The following SH3RF2 variants were observed in gnomAD, a reference collection of about 807,000 sequenced individuals.
The protein encoded by SH3RF2 is SH3 domain containing ring finger 2, also known as E3 ubiquitin-protein ligase SH3RF2.
In SH3RF2, 43 loss-of-function variants were observed where a neutral mutation model predicts 59.0. The observed-to-expected ratio is 0.73, with a 90% CI of 0.57 to 0.94. SH3RF2 has a LOEUF of 0.94. Among genes scored for constraint, SH3RF2 ranks in the 40% least tolerant of loss-of-function variants. The pLI is 0.00. For synonymous variants in SH3RF2, 391 were observed against 391.5 expected (o/e 1.00, Z 0.01); for missense variants, 930 against 940.1 (o/e 0.99, Z 0.14).
intron 2 of SH3RF2, among the ~76,000 whole-genome samples, chr5:145,959,615 ATG>A (rs35295719): frequency 0.072 from 10,463 of 144,932 alleles, 522 homozygotes; most frequent in African/African-American, 0.15. Flanking sequence ...CTATATATAT[ATG>A]TGTGTGTGTG....
intron 9 of SH3RF2, among the ~76,000 whole-genome samples, chr5:146,069,311 G>A (rs1022370668): frequency 5.9e-5 from 9 of 152,274 alleles, no homozygotes; most frequent in South Asian, 4.1e-4. Flanking sequence ...TCTGTTTTGG[G>A]AGACCTTGTT....
chr5:146,035,101 G>C (rs1206759094), intron 5 of SH3RF2, among the ~76,000 whole-genome samples: 1 of 131,142 alleles, frequency 7.6e-6, no homozygotes, highest in Non-Finnish European at 1.7e-5. Flanking sequence ...GTGAGACTCT[G>C]TTTCAAAAAA....
chr5:145,997,350 C>T (rs1196780633), intron 2 of SH3RF2: 3 of 1,164,904 alleles, frequency 2.6e-6, no homozygotes, highest in Non-Finnish European at 3.9e-6. Flanking sequence ...ACCACCGCTC[C>T]AGTCTAAATA....
Position 146,032,924 on chromosome 5 carries a change from G to A in SH3RF2, c.1060-14848G>A, listed in dbSNP as rs576126522. Among the ~76,000 whole-genome samples the A allele has an allele frequency of 5.9e-5, 9 of 152,258 alleles. No individual in the cohort carries two copies. The East Asian group carries it at 1.5e-3, about 26-fold the overall frequency. On this transcript the variant is annotated intron_variant, in intron 5 of 9. Coordinates refer to ENST00000359120, the MANE Select transcript of SH3RF2 (RefSeq NM_152550.4). Reference sequence around the variant, plus strand: ...CCTCTAGAACCTTCCAGACCTTGGAGCCAGCACCACCTGATTCTCCCTCCA... The same window carrying A: ...CCTCTAGAACCTTCCAGACCTTGGAACCAGCACCACCTGATTCTCCCTCCA...
chr5:145,992,082 A>G (rs1298916623), intron 2 of SH3RF2, among the ~76,000 whole-genome samples: 1 of 152,160 alleles, frequency 6.6e-6, no homozygotes, highest in Non-Finnish European at 1.5e-5. Context: ...ATTATATTTT[A>G]AGAAACAGGC....
At chr5:146,031,135 C>T (rs1326718756) in intron 5 of SH3RF2, among the ~76,000 whole-genome samples, 1 of 152,170 alleles carries the variant, frequency 6.6e-6, no homozygotes, top group Non-Finnish European at 1.5e-5. Flanking sequence ...GCACTGGATG[C>T]CTGGGAGGAC....
At chr5:145,948,763 G>A (rs1280023496) in intron 2 of SH3RF2, among the ~76,000 whole-genome samples, 1 of 152,134 alleles carries the variant, frequency 6.6e-6, no homozygotes, top group Non-Finnish European at 1.5e-5. Flanking sequence ...CCAAACCCAG[G>A]TTGGTCTTAG....
intron 9 of SH3RF2, among the ~76,000 whole-genome samples, chr5:146,070,591 T>G (rs76501069): frequency 0.024 from 3,614 of 152,286 alleles, 155 homozygotes; most frequent in African/African-American, 0.081. Flanking sequence ...CATGAGATTA[T>G]TTCTGGTTTT....
chr5:146,055,389 A>G (rs1021137955), intron 7 of SH3RF2, among the ~76,000 whole-genome samples: 2 of 152,234 alleles, frequency 1.3e-5, no homozygotes, highest in Admixed American at 1.3e-4. Context: ...AACCCATGAG[A>G]AAATATGGGC....
intron 2 of SH3RF2, among the ~76,000 whole-genome samples, chr5:145,976,251 C>T (rs896433181): frequency 2.0e-5 from 3 of 152,116 alleles, no homozygotes; most frequent in African/African-American, 4.8e-5. Context: ...TGACCTTAGG[C>T]AGGTTAGTTC....
chr5:146,059,621 C>A (rs1292158795), intron 8 of SH3RF2, among the ~76,000 whole-genome samples: 2 of 151,068 alleles, frequency 1.3e-5, no homozygotes, highest in African/African-American at 2.4e-5. Flanking sequence ...AGCCCCCCTA[C>A]ACACATACAC....
Position 146,049,198 on chromosome 5 carries a change from C to CG in SH3RF2, c.1278dup (p.Arg427AlafsTer19). The CG allele has an allele frequency of 6.2e-7, 1 of 1,613,794 alleles. No individual in the cohort carries two copies. Among genetic ancestry groups the CG allele is most frequent in the Admixed American group, 1.7e-5 (1 of 59,958 alleles). ...GGCTCAGGGGCGTCTCCTTGGTCAC[C>CG]GGGCGAGTCGGCATCTTCCCAAACA... is the stretch of plus-strand genomic sequence containing the variant. On this transcript the variant is annotated frameshift_variant, in exon 7 of 10. Coordinates refer to ENST00000359120, the MANE Select transcript of SH3RF2 (RefSeq NM_152550.4). LOFTEE classifies it high-confidence loss of function.
intron 3 of SH3RF2, among the ~76,000 whole-genome samples, chr5:146,002,469 AAAGGAAGG>A (rs368645230): frequency 0.22 from 21,713 of 97,438 alleles, 2,527 homozygotes; most frequent in Non-Finnish European, 0.25. Context: ...AAAAGAAAGA[AAAGGAAGG>A]AAGGAAGGAA....
At chr5:145,979,206 AAC>A (rs2149967702) in intron 2 of SH3RF2, among the ~76,000 whole-genome samples, 1 of 152,320 alleles carries the variant, frequency 6.6e-6, no homozygotes, top group African/African-American at 2.4e-5. Context: ...ACTGGCTAGA[AAC>A]ACAAATTCTT....
intron 9 of SH3RF2, among the ~76,000 whole-genome samples, chr5:146,075,778 T>TAAAAAAAA (rs56300547): frequency 7.8e-5 from 6 of 76,970 alleles, no homozygotes; most frequent in African/African-American, 2.7e-4. Context: ...AAATTCCATG[T>TAAAAAAAA]AAAAAAAAAA....
intron 5 of SH3RF2, among the ~76,000 whole-genome samples, chr5:146,040,197 A>G (rs1048871055): frequency 6.6e-6 from 1 of 152,090 alleles, no homozygotes; most frequent in African/African-American, 2.4e-5. Context: ...TTCAACTTCT[A>G]TTTTTATTGT....
At chr5:146,015,892 G>C (rs1054655639) in intron 5 of SH3RF2, among the ~76,000 whole-genome samples, 18 of 152,282 alleles carry the variant, frequency 1.2e-4, no homozygotes, top group Admixed American at 8.5e-4. Context: ...TTGTCCAAAG[G>C]TTGTAAAAAC....
chr5:146,003,739 C>CAGAG (rs1342323137), intron 3 of SH3RF2, among the ~76,000 whole-genome samples: 1 of 152,224 alleles, frequency 6.6e-6, no homozygotes, highest in Admixed American at 6.5e-5. Context: ...CCTATGGCTT[C>CAGAG]CATCTTGATT....
downstream of SH3RF2, among the ~76,000 whole-genome samples, chr5:146,064,803 G>A (rs58643268): frequency 0.13 from 2,676 of 20,104 alleles, 212 homozygotes; most frequent in Non-Finnish European, 0.17. Flanking sequence ...AAGGAAGGAA[G>A]GAAGGAAAGA....
Sources: allele counts gnomAD v4.1 joint callset (sites outside exome capture counted in the v4.1 genomes callset), GRCh38; gene constraint gnomAD v4.1.1; transcripts MANE v1.5; gene names NCBI Gene and HGNC (gene_info 2026-07-23, HGNC 2026-07-21).